Variants in CEP170 observed in about 807,000 individuals in gnomAD.
CEP170 encodes centrosomal protein 170.
A neutral mutation model predicts 151.9 loss-of-function variants in CEP170; 21 were observed. The ratio of observed to expected loss-of-function variants is 0.14; its 90% confidence interval spans 0.10 to 0.20. The LOEUF is 0.20. CEP170 is among the 10% of genes least tolerant of loss of function. CEP170 has a pLI of 1.00. For missense variants in CEP170, 964 were observed against 1,892.9 expected, an observed-to-expected ratio of 0.51 and a Z score of 9.11; for synonymous variants, 356 against 648.8, an observed-to-expected ratio of 0.55 and a Z score of 6.86.
chr1:243,211,917 C>T lies in CEP170; in HGVS notation c.243G>A (p.Leu81=), dbSNP rs555363079. Residue 81 remains leucine, a synonymous_variant, in exon 4 of 20, where the codon TTG becomes TTA. Coordinates refer to ENST00000366542, the MANE Select transcript of CEP170 (RefSeq NM_014812.3). ...CAAATCTCAGCTTATCTTCAAGTTT[C>T]AAGGTGATATAAGTCTGTTCCGGAA... ...VRIPEQTYIT[L]KLEDKLRFGY... 1.3e-6 allele frequency: 2 copies of T among 1,592,868 alleles called. No homozygotes were observed. Among genetic ancestry groups the T allele is most frequent in the South Asian group, 2.3e-5 (2 of 86,432 alleles).
chr1:243,209,441 C>T (rs1449797800), intron 4 of CEP170, among the ~76,000 whole-genome samples: 1 of 152,100 alleles, frequency 6.6e-6, no homozygotes, highest in Non-Finnish European at 1.5e-5. Flanking sequence ...CCCACTTTGG[C>T]CTCCCAAAGT....
intron 1 of CEP170, among the ~76,000 whole-genome samples, chr1:243,235,289 A>C (rs1460184729): frequency 1.3e-5 from 2 of 152,212 alleles, no homozygotes; most frequent in African/African-American, 2.4e-5. Flanking sequence ...AATATCTTTG[A>C]GAAACTGACA....
chr1:243,156,057 A>G (rs2057520679), intron 14 of CEP170, among the ~76,000 whole-genome samples, 164 bp downstream of exon 14: 1 of 152,116 alleles, frequency 6.6e-6, no homozygotes, highest in African/African-American at 2.4e-5. Context: ...AAAAGAAAAA[A>G]AGCTGGATAG....
intron 1 of CEP170, among the ~76,000 whole-genome samples, chr1:243,230,948 T>C (rs2063688145): frequency 6.6e-6 from 1 of 152,108 alleles, no homozygotes; most frequent in Non-Finnish European, 1.5e-5. Flanking sequence ...TACAGTCAAA[T>C]TGTCAGAACC....
chr1:243,138,595 T>A (rs983795289), intron 16 of CEP170, among the ~76,000 whole-genome samples: 1 of 151,530 alleles, frequency 6.6e-6, no homozygotes, highest in Admixed American at 6.6e-5. Flanking sequence ...GTGTTGTTCA[T>A]AAATCACCTC....
Position 243,191,098 on chromosome 1 carries a change from G to A in CEP170, c.1028C>T (p.Pro343Leu). 3 of 1,613,214 alleles carry A rather than the reference G, an allele frequency of 1.9e-6. No individual in the cohort carries two copies. The highest frequency in any genetic ancestry group is 2.5e-6 in the Non-Finnish European group (3 of 1,179,452). The change falls in exon 8 of 20, where the codon CCT (proline) becomes CTT (leucine). Residue 343 changes from proline to leucine, a missense_variant. Pro to Leu is a moderately conservative substitution (Grantham distance 98). Transcript: ENST00000366542. ...VADWLAQNNP[P>L]QMLWERTEED... ...TTCTGTTCTTTCCCATAGCATTTGA[G>A]GAGGGTTGTTTTGTGCTAGCCAGTC...
chr1:243,223,169 G>A (rs1208668946), intron 2 of CEP170, among the ~76,000 whole-genome samples: 1 of 152,192 alleles, frequency 6.6e-6, no homozygotes, highest in Non-Finnish European at 1.5e-5. Context: ...GTTAAGAGAA[G>A]TGAGATTTCA....
At chr1:243,154,196 T>C (rs1456378022) in intron 14 of CEP170, among the ~76,000 whole-genome samples, 1 of 152,280 alleles carries the variant, frequency 6.6e-6, no homozygotes, top group Non-Finnish European at 1.5e-5. Flanking sequence ...AGAAAGAGTA[T>C]GCTAAAGCAT....
chr1:243,182,249 AAGCC>A (rs1259788614), intron 10 of CEP170, among the ~76,000 whole-genome samples: 1 of 152,114 alleles, frequency 6.6e-6, no homozygotes, highest in Admixed American at 6.6e-5. Flanking sequence ...CCCTTAACAT[AAGCC>A]AGCCATATGT....
At chr1:243,197,976 C>T (rs1180409641) in intron 7 of CEP170, among the ~76,000 whole-genome samples, 1 of 152,124 alleles carries the variant, frequency 6.6e-6, no homozygotes, top group Non-Finnish European at 1.5e-5. Context: ...CTTTTCTAGA[C>T]TTGTATCCAT....
chr1:243,227,784 A>G (rs895122997), intron 1 of CEP170, among the ~76,000 whole-genome samples: 3 of 152,208 alleles, frequency 2.0e-5, no homozygotes, highest in African/African-American at 7.2e-5. Flanking sequence ...TCATTACGAA[A>G]AAGGTTTTGA....
At chr1:243,221,016 CTTTCT>C (rs997045657) in intron 3 of CEP170, among the ~76,000 whole-genome samples, 4 of 151,330 alleles carry the variant, frequency 2.6e-5, no homozygotes, top group African/African-American at 7.4e-5. Context: ...ACCTTTCCAT[CTTTCT>C]TTTCTTTTCT....
chr1:243,178,308 C>CAAAAAAAAAAAAAAA (rs869094317), intron 10 of CEP170, among the ~76,000 whole-genome samples: 3 of 30,422 alleles, frequency 9.9e-5, no homozygotes, highest in African/African-American at 4.9e-4. Context: ...GACTCTGCCT[C>CAAAAAAAAAAAAAAA]AAAAAAAAAA....
At chr1:243,246,885 T>C (rs1045260368) in intron 1 of CEP170, among the ~76,000 whole-genome samples, 10 of 148,378 alleles carry the variant, frequency 6.7e-5, no homozygotes, top group African/African-American at 2.4e-4. Context: ...AATCATATTA[T>C]ATAAGGTCTG....
chr1:243,213,746 G>C (rs2062018506), intron 3 of CEP170, among the ~76,000 whole-genome samples: 1 of 152,182 alleles, frequency 6.6e-6, no homozygotes, highest in Non-Finnish European at 1.5e-5. Context: ...GTCTCGCTCT[G>C]TCACCCAAGA....
At position 243,182,689 on chromosome 1, in the gene CEP170, CAT is replaced by C. The variant is rs574241564; in HGVS notation, c.1566+3088_1566+3089del. 2.6e-3 allele frequency among the ~76,000 whole-genome samples: 392 copies of C among 152,272 alleles called. 3 individuals carry two copies. The highest frequency in any genetic ancestry group is 9.0e-3 in the African/African-American group (373 of 41,564). On this transcript the variant is annotated intron_variant, in intron 10 of 19. Transcript: ENST00000366542. ...AGTAACTGTGGTCCTCTGAACAAGT[CAT>C]GTGTGCTCCTGTGCTTTCGAATAGG... is the stretch of plus-strand genomic sequence containing the variant.
At chr1:243,149,947 A>G (rs1240345802) in intron 14 of CEP170, among the ~76,000 whole-genome samples, 1 of 152,010 alleles carries the variant, frequency 6.6e-6, no homozygotes, top group Non-Finnish European at 1.5e-5. Context: ...CTTTAACTGT[A>G]CATATTTTAG....
At chr1:243,134,370 G>C (rs542703641) in intron 17 of CEP170, among the ~76,000 whole-genome samples, 1 of 152,176 alleles carries the variant, frequency 6.6e-6, no homozygotes, top group East Asian at 1.9e-4. Flanking sequence ...AAGAATATAT[G>C]GGAATTGATA....
intron 16 of CEP170, among the ~76,000 whole-genome samples, chr1:243,139,166 G>A (rs1212121383): frequency 6.6e-6 from 1 of 151,340 alleles, no homozygotes; most frequent in East Asian, 1.9e-4. Context: ...CAGTGGTGTG[G>A]GTTCAGCTCA....
Sources: gnomAD v4.1 joint callset for allele counts (sites outside exome capture counted in the v4.1 genomes callset) on GRCh38, gnomAD v4.1.1 for gene constraint, MANE v1.5 for transcripts, NCBI Gene and HGNC (gene_info 2026-07-23, HGNC 2026-07-21) for gene names.